The following RMP64 variants were observed in gnomAD, a reference collection of about 807,000 sequenced individuals.
RMP64 encodes nucleolus and neural progenitor protein.
the RMP64 span, chr3:113,017,561 TGAC>T: frequency 6.2e-7 from 1 of 1,614,176 alleles, no homozygotes; most frequent in Non-Finnish European, 8.5e-7. Context: ...AGCGACAGTA[TGAC>T]GAGATGGCAT....
At chr3:113,011,313 A>C in the RMP64 span, 1 of 1,613,738 alleles carries the variant, frequency 6.2e-7, no homozygotes, top group Non-Finnish European at 8.5e-7. Context: ...CTTTGAAGTA[A>C]GGCATTGGTT....
At chr3:113,015,859 TA>T in the RMP64 span, among the ~76,000 whole-genome samples, 6,180 of 107,524 alleles carry the variant, frequency 0.057, 150 homozygotes, top group South Asian at 0.098. Context: ...GCCAAGAATT[TA>T]AAAAAAAAAA....
the RMP64 span, chr3:113,009,419 G>C: frequency 6.6e-6 from 1 of 152,218 alleles, no homozygotes. Flanking sequence ...AAGCAAGTTA[G>C]TGCTATTTGC....
At chr3:113,014,115 T>C in the RMP64 span, 5 of 846,022 alleles carry the variant, frequency 5.9e-6, no homozygotes, top group South Asian at 5.8e-5. Flanking sequence ...CAAAGACTTC[T>C]AGATTTTCAA....
chr3:113,006,846 T>TA, the RMP64 span, among the ~76,000 whole-genome samples: 1 of 152,210 alleles, frequency 6.6e-6, no homozygotes, highest in Admixed American at 6.5e-5. Flanking sequence ...GTTCCACATC[T>TA]AACCCCTTGA....
chr3:113,009,339 A>G, the RMP64 span, among the ~76,000 whole-genome samples: 11 of 152,252 alleles, frequency 7.2e-5, no homozygotes, highest in African/African-American at 2.7e-4. Context: ...AAAAGTAGAA[A>G]ATATAAAAGT....
At chr3:113,013,900 G>A in the RMP64 span, 6 of 1,168,676 alleles carry the variant, frequency 5.1e-6, no homozygotes, top group Non-Finnish European at 7.7e-6. Context: ...GAGATCACAA[G>A]ACATTGAGTT....
chr3:113,008,226 C>T, the RMP64 span: 1 of 1,613,872 alleles, frequency 6.2e-7, no homozygotes, highest in Admixed American at 1.7e-5. Context: ...AGTTTGTTAC[C>T]CAGAAAAATG....
chr3:113,002,634 CTTGCT>C, the RMP64 span: 1 of 151,002 alleles, frequency 6.6e-6, no homozygotes, highest in Non-Finnish European at 1.5e-5. Flanking sequence ...TAGCCTATAA[CTTGCT>C]TAAGGCCAGG....
the RMP64 span, chr3:113,013,514 T>A: frequency 9.6e-7 from 1 of 1,046,372 alleles, no homozygotes; most frequent in East Asian, 2.6e-5. Context: ...TGACAAAGGA[T>A]TGAAACAAAG....
At chr3:113,005,852 GA>G in the RMP64 span, 1 of 1,613,778 alleles carries the variant, frequency 6.2e-7, no homozygotes, top group East Asian at 2.2e-5. Flanking sequence ...TAAAAGAGTC[GA>G]CTGCAACTTT....
the RMP64 span, chr3:113,019,174 A>C: frequency 8.0e-6 from 2 of 250,768 alleles, no homozygotes; most frequent in Admixed American, 5.4e-5. Context: ...GGAAAGGGGA[A>C]ATGGACGGAA....
chr3:113,013,448 A>AG, the RMP64 span: 105 of 1,446,870 alleles, frequency 7.3e-5, no homozygotes, highest in African/African-American at 1.0e-3. Context: ...TTAAAAAAAA[A>AG]GGGTTTTTTT....
At chr3:113,010,651 CTTTG>C in the RMP64 span, 1 of 1,612,692 alleles carries the variant, frequency 6.2e-7, no homozygotes, top group Non-Finnish European at 8.5e-7. Flanking sequence ...ACCTGAGTAG[CTTTG>C]TGTTTCAGCT....
At chr3:113,019,461 C>T in the RMP64 span, 2 of 1,190,242 alleles carry the variant, frequency 1.7e-6, no homozygotes, top group Non-Finnish European at 2.4e-6. Context: ...GTCCCGGTAC[C>T]ACCCCCGCCC....
the RMP64 span, among the ~76,000 whole-genome samples, chr3:113,018,068 A>G: frequency 6.6e-6 from 1 of 152,228 alleles, no homozygotes; most frequent in Non-Finnish European, 1.5e-5. Context: ...CTGTGTTTGG[A>G]TATCACTTTA....
the RMP64 span, chr3:113,005,486 A>C: frequency 1.6e-6 from 2 of 1,215,646 alleles, no homozygotes; most frequent in Non-Finnish European, 2.4e-6. Context: ...TACTTAGAAC[A>C]CTGAACTAGC....
chr3:113,011,532 C>T, the RMP64 span: 3 of 756,074 alleles, frequency 4.0e-6, no homozygotes, highest in Non-Finnish European at 4.2e-6. Flanking sequence ...ATAAAAAACA[C>T]TATAGTGCAC....
chr3:113,018,459 A>G, the RMP64 span, among the ~76,000 whole-genome samples: 1 of 152,212 alleles, frequency 6.6e-6, no homozygotes, highest in Non-Finnish European at 1.5e-5. Flanking sequence ...ATAATCTGTA[A>G]AGTGTGTAGG....
Sources: allele counts gnomAD v4.1 joint callset (sites outside exome capture counted in the v4.1 genomes callset), GRCh38; gene constraint gnomAD v4.1.1; transcripts MANE v1.5; gene names NCBI Gene and HGNC (gene_info 2026-07-23, HGNC 2026-07-21).